The following VPS28 variants were observed in gnomAD, a reference collection of about 807,000 sequenced individuals.
VPS28 encodes VPS28 subunit of ESCRT-I, also known as vacuolar protein sorting-associated protein 28 homolog.
In VPS28, 29 loss-of-function variants were observed where a neutral mutation model predicts 33.7. The observed-to-expected ratio is 0.86, with a 90% confidence interval of 0.64 to 1.17. The LOEUF is 1.17. Ranked by LOEUF, VPS28 falls within the 50% of genes most tolerant of loss-of-function variation. The pLI is 0.00. For missense variants in VPS28, 247 were observed against 312.2 expected, an observed-to-expected ratio of 0.79 and a Z score of 1.57; for synonymous variants, 164 against 116.7, an observed-to-expected ratio of 1.40 and a Z score of -2.61.
chr8:144,425,939 C>T (rs1350742647), intron 4 of VPS28, 87 bp downstream of exon 4: 1 of 1,473,862 alleles, frequency 6.8e-7, no homozygotes, highest in South Asian at 1.4e-5. Flanking sequence ...CCTCCCACCC[C>T]TCAGTTTGGG....
chr8:144,426,809 A>G, intron 2 of VPS28, 100 bp downstream of exon 2: 2 of 1,356,244 alleles, frequency 1.5e-6, no homozygotes, highest in Non-Finnish European at 2.1e-6. Flanking sequence ...GTACGAGAGC[A>G]GGGTCAGATA....
At chr8:144,423,946 T>C (rs1031809332) in intron 9 of VPS28, 24 bp from the exon 10 acceptor site, 7 of 1,612,808 alleles carry the variant, frequency 4.3e-6, no homozygotes, top group Admixed American at 1.7e-5. Context: ...ACAGGGCATG[T>C]GGGGGCTGAG....
rs782817913 is a variant in VPS28 at position 144,424,212 on chromosome 8, C to A, written c.456+3G>T. 3.8e-6 allele frequency: 6 copies of A among 1,599,458 alleles called. No individual in the cohort carries two copies. The East Asian group carries it at 1.3e-4, about 36-fold the overall frequency. ...AGGCCCCCTGCCAGCCCAATACCCG[C>A]ACCTCATCCATGGCGCGGATCTCCA... is the stretch of plus-strand genomic sequence containing the variant. On this transcript the variant is annotated splice_donor_region_variant and intron_variant, in intron 8 of 9. Coordinates refer to ENST00000292510, the MANE Select transcript of VPS28 (RefSeq NM_016208.4).
intron 7 of VPS28, 113 bp from the exon 8 acceptor site, chr8:144,424,381 ACT>A (rs1213351428): frequency 1.6e-5 from 22 of 1,384,186 alleles, no homozygotes; most frequent in South Asian, 7.1e-5. Context: ...TCCTCACTGT[ACT>A]CTGTTCCCAA....
At chr8:144,425,580 A>G in intron 5 of VPS28, 103 bp downstream of exon 5, 1 of 1,269,710 alleles carries the variant, frequency 7.9e-7, no homozygotes, top group Non-Finnish European at 1.1e-6. Flanking sequence ...TGGGCCCCAC[A>G]CAAGTGGGTG....
rs1469187259 is a variant in VPS28, at chr8:144,425,986, C to T, written c.104+40G>A. On this transcript the variant is annotated intron_variant, in intron 4 of 9. Transcript: ENST00000292510. ...GGGGCTGCCCCAGGGCAGCCAGATGCGCATGGGTGTGTTGGGACAGCCTGG... is the reference window on the plus strand; with the variant it reads ...GGGGCTGCCCCAGGGCAGCCAGATGTGCATGGGTGTGTTGGGACAGCCTGG... The T allele has an allele frequency of 2.2e-5, 32 of 1,477,694 alleles. No individual in the cohort carries two copies. The Admixed American group carries it at 3.6e-4, about 17-fold the overall frequency. 91.5% of individuals were successfully genotyped at this position (1,477,694 alleles called of 1,614,324 possible).
Position 144,425,025 on chromosome 8 carries a change from A to AGGAGCCG in VPS28, c.214_220dup (p.Leu74ProfsTer22). On this transcript the variant is annotated frameshift_variant, in exon 6 of 10. Coordinates refer to ENST00000292510, the MANE Select transcript of VPS28 (RefSeq NM_016208.4). LOFTEE classifies it high-confidence loss of function. ...CCTGAAGGCAGCTTTGTATTGGACC[A>AGGAGCCG]GGAGCCGGGAGCAGGCTGCAGTGTA... The AGGAGCCG allele has an allele frequency of 6.4e-7, 1 of 1,552,712 alleles. No individual in the cohort carries two copies. Among genetic ancestry groups the AGGAGCCG allele is most frequent in the East Asian group, 2.4e-5 (1 of 41,100 alleles).
intron 6 of VPS28, 62 bp from the exon 7 acceptor site, chr8:144,424,881 C>G: frequency 6.2e-7 from 1 of 1,612,226 alleles, no homozygotes; most frequent in Non-Finnish European, 8.5e-7. Flanking sequence ...GGCCAGAGCC[C>G]TCTGGCACCC....
chr8:144,424,533 A>C, intron 7 of VPS28, 185 bp downstream of exon 7: 2 of 801,994 alleles, frequency 2.5e-6, no homozygotes, highest in Non-Finnish European at 3.9e-6. Context: ...CCCCGACAGG[A>C]GTCCAGGTGG....
chr8:144,424,421 G>T (rs1027630929), intron 7 of VPS28, 153 bp from the exon 8 acceptor site: 2 of 1,061,738 alleles, frequency 1.9e-6, no homozygotes, highest in African/African-American at 3.2e-5. Flanking sequence ...GGTGAACGAG[G>T]TCCTGGCTGC....
intron 2 of VPS28, chr8:144,426,558 A>C (rs1822763537): frequency 2.3e-6 from 1 of 434,722 alleles, no homozygotes; most frequent in African/African-American, 2.1e-5. Context: ...TCCCTGGCGG[A>C]GTCACCTGCA....
Position 144,424,096 on chromosome 8 carries a change from G to C in VPS28, c.493C>G (p.His165Asp). The change falls in exon 9 of 10, where the codon CAC (histidine) becomes GAC (aspartate). Residue 165 changes from histidine (H) to aspartate (D), a missense_variant. His to Asp is a moderately conservative substitution (Grantham distance 81). Transcript: ENST00000292510. ...TCGGGTGGGAGGTGGCTCATGCGGT[G>C]CATGGTCTCCATCAGCTCTCGCAGG... The part of the protein sequence containing the change: ...PDLRELMETM[H>D]RMSHLPPDFE... 1.3e-6 allele frequency: 2 copies of C among 1,558,316 alleles called. No homozygotes were observed. The highest frequency in any genetic ancestry group is 1.7e-6 in the Non-Finnish European group (2 of 1,148,992).
chr8:144,424,593 G>T, intron 7 of VPS28, 125 bp downstream of exon 7: 2 of 1,102,328 alleles, frequency 1.8e-6, no homozygotes, highest in Non-Finnish European at 2.6e-6. Flanking sequence ...AGTTAAAGGG[G>T]TTCCCTTCTG....
At chr8:144,427,357 G>A (rs1586671282) in intron 1 of VPS28, 2 of 175,108 alleles carry the variant, frequency 1.1e-5, no homozygotes, top group South Asian at 1.0e-4. Context: ...GTAAGTGCCA[G>A]GTCCTGGAGA....
chr8:144,425,149 G>A (rs1293575237), intron 5 of VPS28, 98 bp from the exon 6 acceptor site: 3 of 1,093,844 alleles, frequency 2.7e-6, no homozygotes, highest in Admixed American at 2.2e-5. Flanking sequence ...TTCCAGAGAG[G>A]ACCAGGCGAC....
intron 2 of VPS28, chr8:144,426,486 A>G: frequency 2.1e-6 from 1 of 485,810 alleles, no homozygotes; most frequent in Non-Finnish European, 3.7e-6. Flanking sequence ...CCAGCTCCCC[A>G]GCTCCACTGC....
chr8:144,425,869 G>T, intron 4 of VPS28, 97 bp from the exon 5 acceptor site: 1 of 1,575,132 alleles, frequency 6.3e-7, no homozygotes, highest in Non-Finnish European at 8.6e-7. Context: ...CGGGCGCTCT[G>T]CCCACCTCTT....
chr8:144,423,873 G>C lies in VPS28; in HGVS notation c.598C>G (p.Gln200Glu). ...MSASDELDDS[Q>E]VRQMLFDLES... is the part of the protein sequence containing the mutation. ...AGGTCGAACAGCATCTGACGCACCT[G>C]TGAGTCGTCCAGCTCATCTGACGCC... Residue 200 changes from glutamine (Q) to glutamate (E), a missense_variant, in exon 10 of 10, where the codon CAG becomes GAG. This residue lies in a region of VPS28 where 95 missense variants were observed against 118.3 expected (regional missense o/e 0.80). Transcript: ENST00000292510. 2 of 1,613,150 alleles carry C rather than the reference G, an allele frequency of 1.2e-6. No homozygotes were observed. The highest frequency in any genetic ancestry group is 1.7e-6 in the Non-Finnish European group (2 of 1,180,044).
intron 7 of VPS28, chr8:144,424,491 G>C: frequency 1.3e-6 from 1 of 799,942 alleles, no homozygotes; most frequent in Non-Finnish European, 1.9e-6. Context: ...CCCGAGGCCA[G>C]GACCCCGCCA....
Sources: allele counts gnomAD v4.1 joint callset, GRCh38; gene constraint gnomAD v4.1.1; regional missense constraint gnomAD v4.1.1; transcripts MANE v1.5; gene names NCBI Gene and HGNC (gene_info 2026-07-23, HGNC 2026-07-21).